The following PEX2 variants were observed in gnomAD, a reference collection of about 807,000 sequenced individuals.
The protein encoded by PEX2 is peroxisomal biogenesis factor 2.
PEX2 carries 19 observed loss-of-function variants against 25.2 expected under a neutral mutation model. That is an observed-to-expected ratio of 0.75 (90% confidence interval 0.53 to 1.10). The LOEUF (loss-of-function observed/expected upper bound fraction) is 1.10, where lower values mean the gene tolerates loss of function less well. Ranked by LOEUF, PEX2 falls within the 50% of genes least tolerant of loss-of-function variation. The pLI is 0.00. For synonymous variants in PEX2, 141 were observed against 127.7 expected (o/e 1.10, Z -0.70); for missense variants, 347 against 350.6 (o/e 0.99, Z 0.08).
intron 1 of PEX2, among the ~76,000 whole-genome samples, chr8:76,989,918 T>G (rs1240882676): frequency 6.6e-6 from 1 of 152,240 alleles, no homozygotes; most frequent in African/African-American, 2.4e-5. Flanking sequence ...CAGCCTGTCC[T>G]TTGAAGCTCT....
At chr8:77,000,662 G>A (rs1214410813), upstream of PEX2, among the ~76,000 whole-genome samples, 1 of 152,196 alleles carries the variant, frequency 6.6e-6, no homozygotes, top group Non-Finnish European at 1.5e-5. Flanking sequence ...ATCTCTGCAG[G>A]CTCAGGAAGG....
At chr8:76,997,838 G>C (rs978771607) in intron 1 of PEX2, among the ~76,000 whole-genome samples, 7 of 152,194 alleles carry the variant, frequency 4.6e-5, no homozygotes, top group African/African-American at 1.4e-4. Flanking sequence ...GAGGACACTA[G>C]ACATCCCTTC....
In PEX2 at chr8:76,982,801, A is replaced by G. The variant is rs1586068540; in HGVS notation, c.*460T>C. ...TCCAGCCTGGGTGACAGAGCAGGAC[A>G]CCGTCTCAGAAAAAAAAAAAAAAGT... On this transcript the variant is annotated 3_prime_UTR_variant, in exon 4 of 4. Transcript: ENST00000357039. 5.5e-6 allele frequency: 1 copy of G among 182,836 alleles called. No homozygotes were observed. Among genetic ancestry groups the G allele is most frequent in the Admixed American group, 5.9e-5 (1 of 17,008 alleles). The allele number at this position is 182,836 out of a possible 1,614,324, so 11.3% of individuals were successfully genotyped here. A position where few individuals can be genotyped will look rare whatever the true frequency, so the allele number is the denominator to read the frequency against.
Position 76,983,584 on chromosome 8 carries a change from C to T in PEX2, c.595G>A (p.Gly199Ser). The T allele has an allele frequency of 1.2e-6, 2 of 1,614,120 alleles. No homozygotes were observed. The highest frequency in any genetic ancestry group is 8.5e-7 in the Non-Finnish European group (1 of 1,180,022). ...EYMNRELLWHGFAEFLIFLLP... is the reference protein window; with the variant it reads ...EYMNRELLWHSFAEFLIFLLP... ...AGAAAAATCAGAAATTCAGCAAAAC[C>T]ATGCCAGAGAAGTTCCCTATTCATG... The change falls in exon 4 of 4, where the codon GGT becomes AGT. Residue 199 changes from glycine (G) to serine (S), a missense_variant. Transcript: ENST00000357039.
intron 1 of PEX2, among the ~76,000 whole-genome samples, chr8:76,996,715 C>A (rs1188281547): frequency 6.6e-6 from 1 of 152,150 alleles, no homozygotes; most frequent in Non-Finnish European, 1.5e-5. Flanking sequence ...CCCAAAGGAA[C>A]AAAGAGCCAT....
At chr8:76,987,566 A>C (rs746829340) in intron 2 of PEX2, among the ~76,000 whole-genome samples, 114 of 152,324 alleles carry the variant, frequency 7.5e-4, no homozygotes, top group East Asian at 7.7e-4. Context: ...TTTACATTTT[A>C]GACTACTTGT....
chr8:76,983,855 A>T lies in PEX2; in HGVS notation c.324T>A (p.Val108=), dbSNP rs2132044301. The change falls in exon 4 of 4, where the codon GTT becomes GTA. Residue 108 remains valine (V), a synonymous_variant. Transcript: ENST00000357039. The part of the protein sequence containing the change: ...PSKNQKIWYA[V]CTIGGRWLEE... ...CTAACCACCTGCCACCAATTGTACAAACAGCATACCAGATTTTTTGATTTT... is the reference window on the plus strand; with the variant it reads ...CTAACCACCTGCCACCAATTGTACATACAGCATACCAGATTTTTTGATTTT... 1.2e-6 allele frequency: 2 copies of T among 1,614,138 alleles called. No individual in the cohort carries two copies. Among genetic ancestry groups the T allele is most frequent in the Non-Finnish European group, 1.7e-6 (2 of 1,180,004 alleles).
At position 76,983,223 on chromosome 8, in the gene PEX2, C is replaced by G. The variant is rs375166066; in HGVS notation, c.*38G>C. The stretch of plus-strand genomic sequence containing the variant: ...ATGACTAATATTAAGAATTTAAACA[C>G]GGTGCATTTTTTTCCTCAAAGGAAG... On this transcript the variant is annotated 3_prime_UTR_variant, in exon 4 of 4. Coordinates refer to ENST00000357039, the MANE Select transcript of PEX2 (RefSeq NM_000318.3). 2.5e-6 allele frequency: 4 copies of G among 1,604,616 alleles called. No individual in the cohort carries two copies. In the Admixed American group the frequency reaches 6.7e-5, roughly 27 times the overall value.
intron 1 of PEX2, among the ~76,000 whole-genome samples, chr8:76,993,064 T>A (rs1032510184): frequency 6.6e-6 from 1 of 152,146 alleles, no homozygotes; most frequent in African/African-American, 2.4e-5. Flanking sequence ...TTAACCCCCG[T>A]CAATGTGGCT....
At chr8:77,000,773 G>A (rs1807490653), upstream of PEX2, 1 of 152,354 alleles carries the variant, frequency 6.6e-6, no homozygotes, top group Admixed American at 6.5e-5. Flanking sequence ...CGCCCCCGGA[G>A]GCCCTCACAT....
chr8:76,991,348 T>C (rs979301430), intron 1 of PEX2, among the ~76,000 whole-genome samples: 2 of 152,196 alleles, frequency 1.3e-5, no homozygotes, highest in Non-Finnish European at 2.9e-5. Flanking sequence ...ATCCCTTCTG[T>C]TACAGTTTAA....
chr8:77,000,046 G>C lies in PEX2; in HGVS notation c.-216C>G, dbSNP rs1255035799. 9.1e-6 allele frequency: 4 copies of C among 440,426 alleles called. No individual in the cohort carries two copies. In the Admixed American group the frequency reaches 9.9e-5, roughly 11 times the overall value. 27.3% of individuals were successfully genotyped at this position (440,426 alleles called of 1,614,324 possible). ...GTAACTTTCTCTGAAACATTCTCTGGAAAGCTTGTCTTTTCCTAGCCGAAT... is the reference window on the plus strand; with the variant it reads ...GTAACTTTCTCTGAAACATTCTCTGCAAAGCTTGTCTTTTCCTAGCCGAAT... On this transcript the variant is annotated 5_prime_UTR_variant, in exon 1 of 4. Coordinates refer to ENST00000357039, the MANE Select transcript of PEX2 (RefSeq NM_000318.3).
At chr8:76,988,515 A>G (rs555064178) in intron 1 of PEX2, among the ~76,000 whole-genome samples, 177 bp from the exon 2 acceptor site, 1 of 152,228 alleles carries the variant, frequency 6.6e-6, no homozygotes, top group Non-Finnish European at 1.5e-5. Context: ...AAATGCTAAC[A>G]ACCATCTGAG....
chr8:76,997,820 G>C (rs1807382749), intron 1 of PEX2, among the ~76,000 whole-genome samples: 1 of 152,164 alleles, frequency 6.6e-6, no homozygotes, highest in African/African-American at 2.4e-5. Context: ...CCCACACGGA[G>C]AAAGGCAGAG....
At chr8:76,984,244 T>C (rs1806939621) in intron 3 of PEX2, 49 bp from the exon 4 acceptor site, 2 of 1,444,260 alleles carry the variant, frequency 1.4e-6, no homozygotes, top group South Asian at 2.3e-5. Flanking sequence ...TGCAATCTTG[T>C]ACAACCTCCT....
At chr8:77,000,311 A>C, upstream of PEX2, 1 of 293,902 alleles carries the variant, frequency 3.4e-6, no homozygotes, top group South Asian at 2.9e-5. Context: ...TCTGTCTCTG[A>C]TTGGCAGGAG....
chr8:76,985,966 T>C (rs562238366), intron 3 of PEX2, among the ~76,000 whole-genome samples: 2 of 152,172 alleles, frequency 1.3e-5, no homozygotes, highest in Non-Finnish European at 2.9e-5. Flanking sequence ...ATTGGGAGTA[T>C]CTTTGACAAC....
chr8:76,996,945 T>C (rs1471591435), intron 1 of PEX2, among the ~76,000 whole-genome samples: 2 of 152,204 alleles, frequency 1.3e-5, no homozygotes, highest in Admixed American at 6.5e-5. Context: ...AGAAAAACTG[T>C]AGAACATACA....
At chr8:76,997,970 T>C (rs557808897) in intron 1 of PEX2, among the ~76,000 whole-genome samples, 47 of 152,214 alleles carry the variant, frequency 3.1e-4, no homozygotes, top group South Asian at 2.7e-3. Flanking sequence ...TCCAAAGGAA[T>C]AGAAAAGGAA....
Sources: gnomAD v4.1 joint callset for allele counts (sites outside exome capture counted in the v4.1 genomes callset) on GRCh38, gnomAD v4.1.1 for gene constraint, MANE v1.5 for transcripts, NCBI Gene and HGNC (gene_info 2026-07-23, HGNC 2026-07-21) for gene names.